Variants in TCP11L2 observed in about 807,000 individuals in gnomAD.
TCP11L2 encodes the protein t-complex 11 like 2.
A neutral mutation model predicts 50.7 loss-of-function variants in TCP11L2; 39 were observed. That is an observed-to-expected ratio of 0.77 (90% CI 0.60 to 1.01). The LOEUF (loss-of-function observed/expected upper bound fraction) is 1.01. Ranked by LOEUF, TCP11L2 falls within the 50% of genes least tolerant of loss-of-function variation. TCP11L2 has a pLI of 0.00. For missense variants in TCP11L2, 612 were observed against 614.7 expected (o/e 1.00, Z 0.05); for synonymous variants, 192 against 219.3 (o/e 0.88, Z 1.10).
At chr12:106,312,824 G>A (rs1302991016) in intron 2 of TCP11L2, among the ~76,000 whole-genome samples, 1 of 152,134 alleles carries the variant, frequency 6.6e-6, no homozygotes, top group Non-Finnish European at 1.5e-5. Flanking sequence ...GGAGGTTGTA[G>A]TGAGTCAAGA....
At chr12:106,326,124 G>C (rs1443876942) in intron 6 of TCP11L2, among the ~76,000 whole-genome samples, 1 of 152,080 alleles carries the variant, frequency 6.6e-6, no homozygotes, top group Non-Finnish European at 1.5e-5. Context: ...CAGCCTCTGG[G>C]GTTTAATTAA....
At chr12:106,312,976 T>G (rs2034918074) in intron 2 of TCP11L2, among the ~76,000 whole-genome samples, 1 of 152,224 alleles carries the variant, frequency 6.6e-6, no homozygotes, top group Non-Finnish European at 1.5e-5. Flanking sequence ...TTTCCAACAG[T>G]GATTTTTAAA....
At chr12:106,314,576 T>TGTGTGTGAGA (rs1469308055) in intron 3 of TCP11L2, 83 bp downstream of exon 3, 5 of 282,666 alleles carry the variant, frequency 1.8e-5, no homozygotes, top group African/African-American at 1.6e-4. Context: ...TGTGTGTGTG[T>TGTGTGTGAGA]GAGAGAGAGA....
chr12:106,299,480 AG>A (rs1211507815), upstream of TCP11L2, among the ~76,000 whole-genome samples: 3 of 152,168 alleles, frequency 2.0e-5, no homozygotes, highest in African/African-American at 7.2e-5. Context: ...TGAAAATGCA[AG>A]GCCCCCTTTC....
intron 2 of TCP11L2, 21 bp downstream of exon 2, chr12:106,311,253 G>A (rs746755920): frequency 1.1e-5 from 17 of 1,610,102 alleles, no homozygotes; most frequent in Admixed American, 5.0e-5. Flanking sequence ...GGGGGAGCAG[G>A]GGTTGTGGGT....
chr12:106,333,364 G>T (rs1028943803), intron 6 of TCP11L2, among the ~76,000 whole-genome samples: 1 of 152,184 alleles, frequency 6.6e-6, no homozygotes, highest in Admixed American at 6.5e-5. Context: ...ACATAAGTCG[G>T]TGTGGATAAA....
intron 6 of TCP11L2, chr12:106,330,156 T>G (rs1208033927): frequency 1.0e-6 from 1 of 985,282 alleles, no homozygotes; most frequent in Non-Finnish European, 1.2e-6. Flanking sequence ...TAAAGTGAAT[T>G]TTGTCCTAAG....
chr12:106,311,270 G>A (rs1430352871), intron 2 of TCP11L2, 38 bp downstream of exon 2: 1 of 1,603,418 alleles, frequency 6.2e-7, no homozygotes, highest in Non-Finnish European at 8.5e-7. Context: ...GGGTGGCAGG[G>A]GTACTTCTAG....
chr12:106,335,096 A>T (rs1210387314), intron 6 of TCP11L2, among the ~76,000 whole-genome samples: 2 of 152,196 alleles, frequency 1.3e-5, no homozygotes, highest in Non-Finnish European at 2.9e-5. Flanking sequence ...GGAAAGGCAT[A>T]TCTCCAATTA....
intron 1 of TCP11L2, among the ~76,000 whole-genome samples, chr12:106,310,428 C>T (rs1053167581): frequency 1.3e-5 from 2 of 152,162 alleles, no homozygotes; most frequent in African/African-American, 2.4e-5. Flanking sequence ...AGGTTTCATG[C>T]GGTCTTCCCC....
At chr12:106,337,837 A>T (rs2035969553) in intron 8 of TCP11L2, among the ~76,000 whole-genome samples, 1 of 152,232 alleles carries the variant, frequency 6.6e-6, no homozygotes, top group Non-Finnish European at 1.5e-5. Context: ...GCTATTAATA[A>T]CTAGTCATTA....
At chr12:106,339,883 T>TA (rs1400938575) in intron 8 of TCP11L2, among the ~76,000 whole-genome samples, 1 of 152,256 alleles carries the variant, frequency 6.6e-6, no homozygotes. Flanking sequence ...GCCAAGAACT[T>TA]ATTTCTTATT....
intron 3 of TCP11L2, among the ~76,000 whole-genome samples, chr12:106,315,099 G>A (rs2035027095): frequency 6.6e-6 from 1 of 152,014 alleles, no homozygotes; most frequent in African/African-American, 2.4e-5. Flanking sequence ...GCCGGCCATG[G>A]TGGTGGGGCG....
chr12:106,342,586 A>G (rs971347727), intron 9 of TCP11L2, among the ~76,000 whole-genome samples: 2 of 152,244 alleles, frequency 1.3e-5, no homozygotes, highest in African/African-American at 2.4e-5. Flanking sequence ...TGCAGGCCTC[A>G]TGAGGACAGC....
At chr12:106,332,230 G>A (rs1473920213) in intron 6 of TCP11L2, among the ~76,000 whole-genome samples, 1 of 152,062 alleles carries the variant, frequency 6.6e-6, no homozygotes, top group Non-Finnish European at 1.5e-5. Context: ...TAAAAACAAA[G>A]GTAAAACTCT....
At chr12:106,326,444 T>G (rs928439928) in intron 6 of TCP11L2, among the ~76,000 whole-genome samples, 2 of 152,164 alleles carry the variant, frequency 1.3e-5, no homozygotes, top group Admixed American at 6.5e-5. Flanking sequence ...GACAGCTGGT[T>G]TTGACCTTCC....
intron 1 of TCP11L2, among the ~76,000 whole-genome samples, chr12:106,310,153 G>C (rs1456969740): frequency 6.6e-6 from 1 of 152,108 alleles, no homozygotes; most frequent in Non-Finnish European, 1.5e-5. Flanking sequence ...CAAACCTGAC[G>C]GCCCTTCCCT....
chr12:106,315,436 A>G (rs1040508060), intron 3 of TCP11L2, among the ~76,000 whole-genome samples: 1 of 152,038 alleles, frequency 6.6e-6, no homozygotes, highest in Non-Finnish European at 1.5e-5. Flanking sequence ...TTATAATTTT[A>G]TGTTTGATGT....
intron 6 of TCP11L2, chr12:106,325,119 T>C (rs1179359545): frequency 6.6e-6 from 1 of 152,192 alleles, no homozygotes; most frequent in Non-Finnish European, 1.5e-5. Context: ...TTGCAACAAC[T>C]ATATGAAGTT....
Sources: allele counts gnomAD v4.1 joint callset (sites outside exome capture counted in the v4.1 genomes callset), GRCh38; gene constraint gnomAD v4.1.1; transcripts MANE v1.5; gene names NCBI Gene and HGNC (gene_info 2026-07-23, HGNC 2026-07-21).